EYA4: variants seen among roughly 807,000 people sequenced by gnomAD.
EYA4 encodes EYA transcriptional coactivator and phosphatase 4.
A neutral mutation model predicts 87.9 loss-of-function variants in EYA4; 31 were observed. That is an observed-to-expected ratio of 0.35 (90% confidence interval 0.27 to 0.48). The LOEUF (loss-of-function observed/expected upper bound fraction) is 0.48, where lower values mean the gene tolerates loss of function less well. EYA4 is among the 20% of genes least tolerant of loss of function. The probability of loss-of-function intolerance (pLI) is 0.99; values close to 1 mark genes in which losing one functional copy is unlikely to be tolerated. For missense variants in EYA4, 678 were observed against 761.4 expected (o/e 0.89, Z 1.29); for synonymous variants, 263 against 270.6 (o/e 0.97, Z 0.28).
intron 2 of EYA4, among the ~76,000 whole-genome samples, chr6:133,292,603 A>G (rs1778578271): frequency 6.6e-6 from 1 of 152,198 alleles, no homozygotes; most frequent in South Asian, 2.1e-4. Context: ...ATACAAGGAA[A>G]TTGGGAAGAA....
intron 17 of EYA4, among the ~76,000 whole-genome samples, chr6:133,519,721 A>G (rs1414422191): frequency 6.6e-6 from 1 of 150,868 alleles, no homozygotes; most frequent in Non-Finnish European, 1.5e-5. Context: ...AATATCCTTG[A>G]TGAACATTGA....
At chr6:133,242,706 G>C (rs1774060982) in intron 1 of EYA4, among the ~76,000 whole-genome samples, 1 of 152,182 alleles carries the variant, frequency 6.6e-6, no homozygotes, top group Non-Finnish European at 1.5e-5. Flanking sequence ...TGAACAGCTC[G>C]GAGCGATTAG....
chr6:133,505,106 G>A (rs1012831512), intron 13 of EYA4, among the ~76,000 whole-genome samples: 7 of 152,092 alleles, frequency 4.6e-5, no homozygotes, highest in African/African-American at 1.7e-4. Flanking sequence ...TCCCTTCCAG[G>A]TTTTTTCTTT....
chr6:133,446,253 A>AT (rs1161346169), intron 3 of EYA4, among the ~76,000 whole-genome samples: 2 of 151,878 alleles, frequency 1.3e-5, no homozygotes, highest in South Asian at 2.1e-4. Flanking sequence ...CAGAATCTGC[A>AT]TTTTTTCTTA....
chr6:133,404,359 G>A (rs1212377571), intron 3 of EYA4, among the ~76,000 whole-genome samples: 1 of 152,210 alleles, frequency 6.6e-6, no homozygotes, highest in Non-Finnish European at 1.5e-5. Flanking sequence ...CACTCATTCA[G>A]CCAGTGTTTA....
chr6:133,445,754 G>A (rs533490012), intron 3 of EYA4, among the ~76,000 whole-genome samples: 1 of 151,792 alleles, frequency 6.6e-6, no homozygotes, highest in South Asian at 2.1e-4. Context: ...GATTTTTTTT[G>A]TATTTGTAGT....
chr6:133,304,543 G>A (rs1779661707), intron 2 of EYA4, among the ~76,000 whole-genome samples: 1 of 152,190 alleles, frequency 6.6e-6, no homozygotes, highest in African/African-American at 2.4e-5. Flanking sequence ...AAGCTGTGTT[G>A]TTGGAGGATA....
intron 3 of EYA4, among the ~76,000 whole-genome samples, chr6:133,423,909 G>T (rs779623683): frequency 6.6e-6 from 1 of 152,146 alleles, no homozygotes; most frequent in Non-Finnish European, 1.5e-5. Flanking sequence ...GAAGAATGAG[G>T]TACACAGACA....
At chr6:133,465,005 A>T in intron 10 of EYA4, 147 bp downstream of exon 10, 1 of 632,460 alleles carries the variant, frequency 1.6e-6, no homozygotes, top group Admixed American at 3.0e-5. Context: ...GTAAAAAATT[A>T]GCTATCTAGA....
At chr6:133,264,358 G>A (rs188280896) in intron 1 of EYA4, among the ~76,000 whole-genome samples, 1 of 152,356 alleles carries the variant, frequency 6.6e-6, no homozygotes. Flanking sequence ...ACAGGGTAAA[G>A]CTCTGAATTG....
chr6:133,424,520 A>G (rs1368016454), intron 3 of EYA4, among the ~76,000 whole-genome samples: 1 of 146,116 alleles, frequency 6.8e-6, no homozygotes, highest in African/African-American at 2.6e-5. Flanking sequence ...CCCCCCCCCC[A>G]GCCTATAAGG....
intron 13 of EYA4, among the ~76,000 whole-genome samples, chr6:133,487,210 G>A (rs970545697): frequency 2.0e-5 from 3 of 152,214 alleles, no homozygotes; most frequent in Non-Finnish European, 4.4e-5. Flanking sequence ...CCTAGCTAGA[G>A]AAGAATCTTC....
intron 2 of EYA4, among the ~76,000 whole-genome samples, chr6:133,306,395 A>C (rs1779812676): frequency 6.6e-6 from 1 of 152,196 alleles, no homozygotes; most frequent in African/African-American, 2.4e-5. Context: ...TAGAATCTGT[A>C]GCCAGTAACT....
At chr6:133,315,449 G>A (rs1314177768) in intron 2 of EYA4, among the ~76,000 whole-genome samples, 2 of 152,030 alleles carry the variant, frequency 1.3e-5, no homozygotes, top group Admixed American at 6.6e-5. Flanking sequence ...TTACAATTTT[G>A]TGGGACATTA....
chr6:133,529,952 T>C lies in EYA4; in HGVS notation c.*1147T>C, dbSNP rs1342999072. The stretch of plus-strand genomic sequence containing the variant: ...AATTATCACATAAACTTTTTTAGAA[T>C]GTGCCATGAACATGGCATAAAATTC... On this transcript the variant is annotated 3_prime_UTR_variant, in exon 20 of 20. Coordinates refer to ENST00000355286, the MANE Select transcript of EYA4 (RefSeq NM_004100.5). The C allele has an allele frequency of 1.0e-6, 1 of 985,304 alleles. No individual in the cohort carries two copies. Among genetic ancestry groups the C allele is most frequent in the African/African-American group, 1.7e-5 (1 of 57,236 alleles). The allele number at this position is 985,304 out of a possible 1,614,324, so 61.0% of individuals were successfully genotyped here. A position where few individuals can be genotyped will look rare whatever the true frequency, so the allele number is the denominator to read the frequency against.
At chr6:133,494,058 C>T (rs947831719) in intron 13 of EYA4, among the ~76,000 whole-genome samples, 2 of 152,184 alleles carry the variant, frequency 1.3e-5, no homozygotes, top group Admixed American at 6.5e-5. Flanking sequence ...TGTGATCCAG[C>T]AATCTCATTG....
chr6:133,521,292 A>C, intron 17 of EYA4, among the ~76,000 whole-genome samples: 1 of 150,842 alleles, frequency 6.6e-6, no homozygotes, highest in Admixed American at 6.6e-5. Flanking sequence ...ACCCCATCAA[A>C]AAGTGGGCGA....
intron 11 of EYA4, among the ~76,000 whole-genome samples, chr6:133,473,137 C>A (rs766284548): frequency 1.1e-4 from 17 of 151,996 alleles, no homozygotes; most frequent in Non-Finnish European, 2.2e-4. Flanking sequence ...CAGTTATTTG[C>A]AAGATCCAAA....
Position 133,529,018 on chromosome 6 carries a change from C to CTT in EYA4, c.*215_*216dup, listed in dbSNP as rs975261543. ...ACTCTATGGTCTTATATTTACAACA[C>CTT]TTTAATGGGTTTTTTAAAAATCTGT... is the stretch of plus-strand genomic sequence containing the variant. On this transcript the variant is annotated 3_prime_UTR_variant, in exon 20 of 20. Coordinates refer to ENST00000355286, the MANE Select transcript of EYA4 (RefSeq NM_004100.5). The CTT allele has an allele frequency of 2.6e-5, 35 of 1,349,542 alleles. No individual in the cohort carries two copies. Among genetic ancestry groups the CTT allele is most frequent in the Non-Finnish European group, 3.0e-5 (31 of 1,047,244 alleles). 83.6% of individuals were successfully genotyped at this position (1,349,542 alleles called of 1,614,324 possible). A position where few individuals can be genotyped will look rare whatever the true frequency, so the allele number is the denominator to read the frequency against.
Sources: gnomAD v4.1 joint callset for allele counts (sites outside exome capture counted in the v4.1 genomes callset) on GRCh38, gnomAD v4.1.1 for gene constraint, MANE v1.5 for transcripts, NCBI Gene and HGNC (gene_info 2026-07-23, HGNC 2026-07-21) for gene names.